PIEZO2: variants seen among roughly 807,000 people sequenced by gnomAD.
The protein encoded by PIEZO2 is piezo-type mechanosensitive ion channel component 2.
Under a neutral mutation model 337.3 loss-of-function variants are expected in PIEZO2, and 172 were observed. The observed-to-expected ratio is 0.51, with a 90% CI of 0.45 to 0.58. The LOEUF (loss-of-function observed/expected upper bound fraction) is 0.58, where lower values mean the gene tolerates loss of function less well. Among genes scored for constraint, PIEZO2 ranks in the 20% least tolerant of loss-of-function variants. The probability of loss-of-function intolerance (pLI) is 0.00; values close to 1 mark genes in which losing one functional copy is unlikely to be tolerated. For synonymous variants in PIEZO2, 1,251 were observed against 1,228.5 expected (o/e 1.02, Z -0.38); for missense variants, 3,028 against 3,391.3 (o/e 0.89, Z 2.66).
intron 7 of PIEZO2, among the ~76,000 whole-genome samples, chr18:10,814,308 C>T (rs2040296285): frequency 6.6e-6 from 1 of 152,078 alleles, no homozygotes; most frequent in Non-Finnish European, 1.5e-5. Flanking sequence ...CTGAAGAGCT[C>T]AGAGTTCTAA....
At chr18:10,692,008 A>T (rs181803935) in intron 47 of PIEZO2, among the ~76,000 whole-genome samples, 1 of 151,764 alleles carries the variant, frequency 6.6e-6, no homozygotes, top group Non-Finnish European at 1.5e-5. Context: ...TCTTTATTTG[A>T]TAATTCTTCC....
chr18:10,873,952 A>C (rs2042202464), intron 4 of PIEZO2, among the ~76,000 whole-genome samples: 1 of 152,216 alleles, frequency 6.6e-6, no homozygotes, highest in African/African-American at 2.4e-5. Context: ...AGGCAACAAA[A>C]GCAAAAGTAG....
chr18:10,862,756 G>T lies in PIEZO2; in HGVS notation c.493-5545C>A, dbSNP rs983813878. On this transcript the variant is annotated intron_variant, in intron 5 of 55. Transcript: ENST00000674853. The surrounding 1 kb of genome is among the most constrained non-coding windows in gnomAD (Gnocchi z 4.4). ...CTGTATGATTAAAGTACTCTCTGGG[G>T]TGACCTGAAGCAGCCCCTCCAGAAT... 1.3e-5 allele frequency among the ~76,000 whole-genome samples: 2 copies of T among 152,222 alleles called. No individual in the cohort carries two copies. Among genetic ancestry groups the T allele is most frequent in the Non-Finnish European group, 2.9e-5 (2 of 68,034 alleles).
chr18:11,036,654 A>G (rs1355024440), intron 2 of PIEZO2, among the ~76,000 whole-genome samples: 3 of 152,040 alleles, frequency 2.0e-5, no homozygotes, highest in African/African-American at 7.2e-5. Flanking sequence ...CAGGCACTGA[A>G]TAATTAAAAC....
chr18:10,769,059 A>G (rs1291566676), intron 21 of PIEZO2, among the ~76,000 whole-genome samples: 1 of 152,144 alleles, frequency 6.6e-6, no homozygotes, highest in Non-Finnish European at 1.5e-5. Flanking sequence ...GTCTCTGTGC[A>G]TTTTTTGTCA....
intron 35 of PIEZO2, among the ~76,000 whole-genome samples, chr18:10,733,593 C>T (rs1467861224): frequency 3.3e-5 from 5 of 152,114 alleles, no homozygotes; most frequent in Admixed American, 2.0e-4. Flanking sequence ...GGACTACAGG[C>T]GCCTGCCACC....
intron 1 of PIEZO2, among the ~76,000 whole-genome samples, chr18:11,086,417 G>A (rs1018208658): frequency 9.2e-5 from 14 of 151,358 alleles, no homozygotes; most frequent in Non-Finnish European, 1.6e-4. Flanking sequence ...TACTCAGGAG[G>A]CTGAGGCAGG....
At position 10,795,273 on chromosome 18, in the gene PIEZO2, C is replaced by A. The variant is rs1021501081; in HGVS notation, c.1528-271G>T. 2.0e-5 allele frequency among the ~76,000 whole-genome samples: 3 copies of A among 151,868 alleles called. No homozygotes were observed. The highest frequency in any genetic ancestry group is 7.3e-5 in the African/African-American group (3 of 41,368). The stretch of plus-strand genomic sequence containing the variant: ...TTAATGAAGGATTGTGTTGTTTTTA[C>A]AATAGACTTTTTTCAGTTAAGTAGC... On this transcript the variant is annotated intron_variant, in intron 12 of 55. Coordinates refer to ENST00000674853, the MANE Select transcript of PIEZO2 (RefSeq NM_001378183.1). The surrounding 1 kb of genome is among the most constrained non-coding windows in gnomAD (Gnocchi z 4.4).
chr18:10,933,777 G>C (rs1229001841), intron 3 of PIEZO2, among the ~76,000 whole-genome samples: 2 of 152,036 alleles, frequency 1.3e-5, no homozygotes, highest in Non-Finnish European at 2.9e-5. Context: ...TCAGGGCCAG[G>C]TGGAGATAAT....
chr18:10,961,298 A>G (rs1361631527), intron 3 of PIEZO2, among the ~76,000 whole-genome samples: 3 of 152,138 alleles, frequency 2.0e-5, no homozygotes, highest in Admixed American at 6.5e-5. Flanking sequence ...GACTTATTCT[A>G]AGTGAAGTAA....
At chr18:11,053,113 T>C (rs539585763) in intron 2 of PIEZO2, among the ~76,000 whole-genome samples, 1 of 152,342 alleles carries the variant, frequency 6.6e-6, no homozygotes, top group African/African-American at 2.4e-5. Context: ...TTATTGATCA[T>C]AGTAACAGCT....
Position 11,101,663 on chromosome 18 carries a change from A to G in PIEZO2, c.65-35441T>C, listed in dbSNP as rs1415709062. Reference sequence around the variant, plus strand: ...CTGTCAATTTGAAAAACCGATGACTATGTTCAGTGTTTATATCCTCACAGA... The same window carrying G: ...CTGTCAATTTGAAAAACCGATGACTGTGTTCAGTGTTTATATCCTCACAGA... On this transcript the variant is annotated intron_variant, in intron 1 of 55. Transcript: ENST00000674853. This position sits in a 1 kb window ranked among gnomAD's most constrained non-coding sequence, Gnocchi z 4.4. Among the ~76,000 whole-genome samples the G allele has an allele frequency of 1.3e-5, 2 of 152,210 alleles. No individual in the cohort carries two copies. The highest frequency in any genetic ancestry group is 4.8e-5 in the African/African-American group (2 of 41,460).
chr18:11,006,663 C>T (rs1457611323), intron 2 of PIEZO2, among the ~76,000 whole-genome samples: 1 of 152,116 alleles, frequency 6.6e-6, no homozygotes, highest in Non-Finnish European at 1.5e-5. Context: ...ATCTTCAAGT[C>T]TATTCAGTCC....
chr18:10,786,186 C>G (rs1235805213), intron 16 of PIEZO2, among the ~76,000 whole-genome samples: 3 of 152,230 alleles, frequency 2.0e-5, no homozygotes, highest in Admixed American at 2.0e-4. Context: ...TACTCACTGC[C>G]TCAGCCTGTT....
chr18:10,701,912 G>A (rs956680683), intron 43 of PIEZO2, 77 bp downstream of exon 43: 22 of 1,303,344 alleles, frequency 1.7e-5, no homozygotes, highest in Non-Finnish European at 1.9e-5. Context: ...TGATGTCCAG[G>A]TTATCTAGGA....
intron 2 of PIEZO2, among the ~76,000 whole-genome samples, chr18:11,061,688 C>A (rs983786155): frequency 1.3e-5 from 2 of 151,952 alleles, no homozygotes; most frequent in African/African-American, 4.8e-5. Context: ...ACCTAGGAAT[C>A]CAACTTACAA....
intron 1 of PIEZO2, among the ~76,000 whole-genome samples, chr18:11,090,354 A>C (rs1044518914): frequency 1.3e-5 from 2 of 152,258 alleles, no homozygotes; most frequent in Non-Finnish European, 2.9e-5. Flanking sequence ...GGGCAAAAAA[A>C]CAAAGTGAAA....
Position 10,988,411 on chromosome 18 carries a change from G to A in PIEZO2, c.161-8751C>T, listed in dbSNP as rs1474082219. 6.6e-6 allele frequency among the ~76,000 whole-genome samples: 1 copy of A among 152,162 alleles called. No individual in the cohort carries two copies. The highest frequency in any genetic ancestry group is 1.5e-5 in the Non-Finnish European group (1 of 68,028). ...AAGAAAGCCTCACACCTGTTAAGAT[G>A]ACTATTTTTGAAAAACAAAAGATAA... On this transcript the variant is annotated intron_variant, in intron 2 of 55. Transcript: ENST00000674853. The surrounding 1 kb of genome is among the most constrained non-coding windows in gnomAD (Gnocchi z 4.8).
At position 10,775,452 on chromosome 18, in the gene PIEZO2, G is replaced by A. The variant is rs773105594; in HGVS notation, c.2535-1414C>T. Among the ~76,000 whole-genome samples the A allele has an allele frequency of 1.3e-5, 2 of 152,192 alleles. No individual in the cohort carries two copies. Among genetic ancestry groups the A allele is most frequent in the Non-Finnish European group, 2.9e-5 (2 of 68,044 alleles). On this transcript the variant is annotated intron_variant, in intron 18 of 55. Transcript: ENST00000674853. This position sits in a 1 kb window ranked among gnomAD's most constrained non-coding sequence, Gnocchi z 4.3. The stretch of plus-strand genomic sequence containing the variant: ...GAAAAGATACCTTTATTAAGACAAG[G>A]AATTCGGTGGTTGCAGTGTGAGGTG...
Sources: gnomAD v4.1 joint callset for allele counts (sites outside exome capture counted in the v4.1 genomes callset) on GRCh38, gnomAD v4.1.1 for gene constraint, Gnocchi (gnomAD v3.1) non-coding constraint, MANE v1.5 for transcripts, NCBI Gene and HGNC (gene_info 2026-07-23, HGNC 2026-07-21) for gene names.